The following SLC2A9 variants were observed in gnomAD, a reference collection of about 807,000 sequenced individuals.
The protein encoded by SLC2A9 is solute carrier family 2, facilitated glucose transporter member 9.
Under a neutral mutation model 50.6 loss-of-function variants are expected in SLC2A9, and 39 were observed. The ratio of observed to expected loss-of-function variants is 0.77; its 90% CI spans 0.60 to 1.01. The LOEUF (loss-of-function observed/expected upper bound fraction) is 1.01, where lower values mean the gene tolerates loss of function less well. SLC2A9 is among the 50% of genes least tolerant of loss of function. The pLI is 0.00. For missense variants in SLC2A9, 686 were observed against 677.6 expected (o/e 1.01, Z -0.14); for synonymous variants, 324 against 276.9 (o/e 1.17, Z -1.69).
chr4:9,866,873 C>T (rs1577603652), intron 10 of SLC2A9, among the ~76,000 whole-genome samples: 2 of 152,310 alleles, frequency 1.3e-5, no homozygotes, highest in African/African-American at 4.8e-5. Context: ...TGGAGAATTC[C>T]AACCATGGTG....
At position 10,021,171 on chromosome 4, in the gene SLC2A9, C is replaced by A. The variant is rs568459967; in HGVS notation, c.150+109G>T. ...GCCTCCCTGCCTCAAAGCCCCAGATCCCCCAGCTACACGCTGCCAGGCTGG... is the reference window on the plus strand; with the variant it reads ...GCCTCCCTGCCTCAAAGCCCCAGATACCCCAGCTACACGCTGCCAGGCTGG... On this transcript the variant is annotated intron_variant, in intron 1 of 11. Coordinates refer to ENST00000264784, the MANE Select transcript of SLC2A9 (RefSeq NM_020041.3). 4.3e-6 allele frequency: 5 copies of A among 1,173,026 alleles called. No individual in the cohort carries two copies. The Admixed American group carries it at 6.9e-5, about 16-fold the overall frequency. The allele number at this position is 1,173,026 out of a possible 1,614,324, so 72.7% of individuals were successfully genotyped here.
At chr4:10,012,451 TC>T (rs1761918573) in intron 2 of SLC2A9, among the ~76,000 whole-genome samples, 2 of 152,232 alleles carry the variant, frequency 1.3e-5, no homozygotes, top group Admixed American at 1.3e-4. Context: ...CAGACATTGT[TC>T]TAGGTGCTGG....
At chr4:10,004,103 G>A (rs73100687) in intron 2 of SLC2A9, among the ~76,000 whole-genome samples, 1,946 of 152,262 alleles carry the variant, frequency 0.013, 44 homozygotes, top group African/African-American at 0.045. Context: ...ATATAAAGAT[G>A]ATGATATCAA....
At chr4:10,022,606 C>T (rs1763581040), upstream of SLC2A9, among the ~76,000 whole-genome samples, 1 of 152,184 alleles carries the variant, frequency 6.6e-6, no homozygotes. Context: ...GAGTCTGGGC[C>T]AGAGCCAGGG....
intron 3 of SLC2A9, chr4:9,782,785 C>T: frequency 6.2e-7 from 1 of 1,613,994 alleles, no homozygotes; most frequent in East Asian, 2.2e-5. Context: ...ACCGCATCGC[C>T]CAGGTGCAGA....
At chr4:9,929,490 G>T (rs1316999837) in intron 6 of SLC2A9, among the ~76,000 whole-genome samples, 2 of 152,200 alleles carry the variant, frequency 1.3e-5, no homozygotes, top group Admixed American at 1.3e-4. Context: ...TCTACACTGC[G>T]CTGCAGATGG....
intron 5 of SLC2A9, among the ~76,000 whole-genome samples, chr4:9,948,269 G>A (rs28718559): frequency 0.046 from 6,991 of 152,168 alleles, 507 homozygotes; most frequent in African/African-American, 0.16. Context: ...GCTGCCCATT[G>A]GAATCACTTG....
At chr4:9,946,942 A>C (rs1216118875) in intron 5 of SLC2A9, among the ~76,000 whole-genome samples, 1 of 152,172 alleles carries the variant, frequency 6.6e-6, no homozygotes, top group Admixed American at 6.5e-5. Context: ...AAATCAACTG[A>C]ATTGAATGGA....
At chr4:9,838,047 C>T (rs1335639597) in intron 10 of SLC2A9, among the ~76,000 whole-genome samples, 2 of 152,170 alleles carry the variant, frequency 1.3e-5, no homozygotes, top group Non-Finnish European at 1.5e-5. Context: ...AATGCAAACA[C>T]TTAATATAAG....
At chr4:10,023,617 G>A (rs963813217), upstream of SLC2A9, among the ~76,000 whole-genome samples, 4 of 152,226 alleles carry the variant, frequency 2.6e-5, no homozygotes, top group South Asian at 2.1e-4. Flanking sequence ...GTAAAAGAGC[G>A]GAGATGGGTC....
At chr4:9,867,519 T>A (rs1577606622) in intron 10 of SLC2A9, among the ~76,000 whole-genome samples, 1 of 152,126 alleles carries the variant, frequency 6.6e-6, no homozygotes, top group African/African-American at 2.4e-5. Context: ...ATGAAGAAGA[T>A]GATGATGATT....
intron 5 of SLC2A9, among the ~76,000 whole-genome samples, chr4:9,965,238 A>G (rs1425677779): frequency 6.6e-6 from 1 of 152,346 alleles, no homozygotes; most frequent in East Asian, 1.9e-4. Context: ...GCTGTGATGC[A>G]GATCCAGGCA....
At chr4:9,906,937 T>C (rs527601149) in intron 8 of SLC2A9, among the ~76,000 whole-genome samples, 1 of 152,280 alleles carries the variant, frequency 6.6e-6, no homozygotes, top group East Asian at 1.9e-4. Flanking sequence ...CAAAACATCA[T>C]TCCTCTACAT....
At chr4:9,879,051 GACCC>G in intron 10 of SLC2A9, 1 of 985,154 alleles carries the variant, frequency 1.0e-6, no homozygotes. Context: ...ATTGAGTGCT[GACCC>G]ACTGTCAGGC....
chr4:9,943,534 G>T (rs894628805), intron 5 of SLC2A9, among the ~76,000 whole-genome samples: 1 of 152,114 alleles, frequency 6.6e-6, no homozygotes, highest in African/African-American at 2.4e-5. Flanking sequence ...GCATGGGTGT[G>T]GGGTTTCATC....
chr4:9,845,427 C>CTTTTTTTTTTTTT lies in SLC2A9; in HGVS notation c.1292-10432_1292-10420dup, dbSNP rs1175166447. Among the ~76,000 whole-genome samples, 66 of 108,676 alleles carry CTTTTTTTTTTTTT rather than the reference C, an allele frequency of 6.1e-4. 8 individuals are homozygous for CTTTTTTTTTTTTT. The highest frequency in any genetic ancestry group is 2.6e-3 in the African/African-American group (63 of 24,532). The allele number at this position is 108,676 out of a possible 152,430, so 71.3% of individuals were successfully genotyped here. On this transcript the variant is annotated intron_variant, in intron 10 of 11. Transcript: ENST00000264784. ...CCAATGGAACCACGATCATCAATTT[C>CTTTTTTTTTTTTT]TTTTTTTTTTTTTTTTTTTTGAGAC...
In SLC2A9 at chr4:9,783,020, G is replaced by C; in HGVS notation, n.386-2955C>G. ...CAGTGGACACCCCGAAGGCCCTCCG[G>C]CCGGCTTCCCCTGCGTCAGTGAGAC... is the stretch of plus-strand genomic sequence containing the variant. On this transcript the variant is annotated intron_variant and non_coding_transcript_variant, in intron 3 of 3. Transcript: ENST00000503803. 3 of 1,614,222 alleles carry C rather than the reference G, an allele frequency of 1.9e-6. No homozygotes were observed. In the South Asian group the frequency reaches 3.3e-5, roughly 18 times the overall value.
intron 5 of SLC2A9, among the ~76,000 whole-genome samples, chr4:9,964,379 T>C (rs1011186175): frequency 1.5e-4 from 23 of 152,324 alleles, no homozygotes; most frequent in Middle Eastern, 3.4e-3. Flanking sequence ...GACTCTGAAG[T>C]GGCAGGAAGA....
chr4:10,013,778 G>A (rs1762164622), intron 2 of SLC2A9, among the ~76,000 whole-genome samples: 1 of 152,202 alleles, frequency 6.6e-6, no homozygotes, highest in Non-Finnish European at 1.5e-5. Context: ...CTGCCCTGAA[G>A]GTAAATGCCC....
Sources: allele counts gnomAD v4.1 joint callset (sites outside exome capture counted in the v4.1 genomes callset), GRCh38; gene constraint gnomAD v4.1.1; transcripts MANE v1.5; gene names NCBI Gene and HGNC (gene_info 2026-07-23, HGNC 2026-07-21).